The following BRINP3 variants were observed in gnomAD, a reference collection of about 807,000 sequenced individuals.
BRINP3 encodes the protein BMP/retinoic acid-inducible neural-specific protein 3.
In BRINP3, 19 loss-of-function variants were observed where a neutral mutation model predicts 71.0. The observed-to-expected ratio is 0.27, with a 90% confidence interval of 0.19 to 0.39. The LOEUF (loss-of-function observed/expected upper bound fraction) is 0.39. Among genes scored for constraint, BRINP3 ranks in the 10% least tolerant of loss-of-function variants. The probability of loss-of-function intolerance (pLI) is 1.00; values close to 1 mark genes in which losing one functional copy is unlikely to be tolerated. For synonymous variants in BRINP3, 380 were observed against 337.7 expected, an observed-to-expected ratio of 1.13 and a Z score of -1.37; for missense variants, 959 against 940.8, an observed-to-expected ratio of 1.02 and a Z score of -0.25.
At chr1:190,193,298 A>T (rs2102582036) in intron 6 of BRINP3, among the ~76,000 whole-genome samples, 1 of 152,198 alleles carries the variant, frequency 6.6e-6, no homozygotes, top group Non-Finnish European at 1.5e-5. Context: ...TTTAGAAGAG[A>T]TGAGAGGTAA....
At chr1:190,193,765 C>G (rs1654247743) in intron 6 of BRINP3, among the ~76,000 whole-genome samples, 1 of 152,064 alleles carries the variant, frequency 6.6e-6, no homozygotes, top group South Asian at 2.1e-4. Flanking sequence ...CAAATCTACT[C>G]CCAGACTCTG....
intron 6 of BRINP3, among the ~76,000 whole-genome samples, chr1:190,190,248 G>T (rs1414470214): frequency 1.3e-5 from 2 of 152,058 alleles, no homozygotes; most frequent in Non-Finnish European, 2.9e-5. Flanking sequence ...TGGCAGGCCA[G>T]CATTTGGGTT....
At chr1:190,465,999 T>C (rs1676721006) in intron 1 of BRINP3, among the ~76,000 whole-genome samples, 1 of 151,884 alleles carries the variant, frequency 6.6e-6, no homozygotes, top group South Asian at 2.1e-4. Context: ...AATCTAAGAA[T>C]AGAAAGTGTT....
At position 190,110,537 on chromosome 1, in the gene BRINP3, T is replaced by C. The variant is rs558554711; in HGVS notation, c.1185-11403A>G. Among the ~76,000 whole-genome samples the C allele has an allele frequency of 2.1e-3, 323 of 152,316 alleles. 2 individuals are homozygous for C. The highest frequency in any genetic ancestry group is 6.8e-3 in the South Asian group (33 of 4,832). ...ATCTTGATATCATCATGATATTTTATAGTTTCTCTATAGTTTAGCCAAGTA... is the reference window on the plus strand; with the variant it reads ...ATCTTGATATCATCATGATATTTTACAGTTTCTCTATAGTTTAGCCAAGTA... On this transcript the variant is annotated intron_variant, in intron 7 of 7. Transcript: ENST00000367462.
intron 2 of BRINP3, among the ~76,000 whole-genome samples, chr1:190,441,652 T>C (rs1674829023): frequency 6.6e-6 from 1 of 152,156 alleles, no homozygotes; most frequent in Non-Finnish European, 1.5e-5. Context: ...TGTTTGAGTA[T>C]AATTTTCAAG....
At chr1:190,273,645 A>G (rs1270107600) in intron 3 of BRINP3, among the ~76,000 whole-genome samples, 1 of 151,546 alleles carries the variant, frequency 6.6e-6, no homozygotes, top group East Asian at 1.9e-4. Context: ...TTTATAAGAT[A>G]TGGCCCTTAA....
intron 7 of BRINP3, among the ~76,000 whole-genome samples, chr1:190,136,481 T>G (rs1654986991): frequency 6.6e-6 from 1 of 152,140 alleles, no homozygotes; most frequent in Admixed American, 6.6e-5. Flanking sequence ...AGTTTTTCTC[T>G]AATGCTTACA....
chr1:190,159,671 A>G (rs1657174597), intron 7 of BRINP3, among the ~76,000 whole-genome samples: 2 of 152,032 alleles, frequency 1.3e-5, no homozygotes, highest in Admixed American at 6.6e-5. Context: ...TTATAGAGAG[A>G]AACAGCCTTG....
At chr1:190,257,132 G>A (rs181350656) in intron 4 of BRINP3, among the ~76,000 whole-genome samples, 11 of 152,262 alleles carry the variant, frequency 7.2e-5, no homozygotes, top group South Asian at 2.1e-4. Context: ...CCAATCAAAC[G>A]TAGATTTAGT....
intron 2 of BRINP3, among the ~76,000 whole-genome samples, chr1:190,438,044 A>G (rs1187149271): frequency 1.3e-5 from 2 of 151,324 alleles, no homozygotes; most frequent in Non-Finnish European, 3.0e-5. Context: ...CAATAAAATC[A>G]AAACTGTAAA....
intron 6 of BRINP3, among the ~76,000 whole-genome samples, chr1:190,217,707 A>G (rs1423110161): frequency 6.6e-6 from 1 of 152,080 alleles, no homozygotes; most frequent in Non-Finnish European, 1.5e-5. Context: ...TATTAGAAAT[A>G]GTTTCAGGGA....
chr1:190,426,643 C>T (rs1450274934), intron 2 of BRINP3, among the ~76,000 whole-genome samples: 1 of 151,742 alleles, frequency 6.6e-6, no homozygotes, highest in Non-Finnish European at 1.5e-5. Flanking sequence ...ATTTGGTTGT[C>T]TCTGGTGGTA....
chr1:190,206,825 T>A (rs1223267300), intron 6 of BRINP3, among the ~76,000 whole-genome samples: 7 of 151,832 alleles, frequency 4.6e-5, no homozygotes, highest in Non-Finnish European at 8.8e-5. Context: ...TCTAAGAAAA[T>A]GAGAATATTA....
At chr1:190,193,858 C>T (rs1428201008) in intron 6 of BRINP3, among the ~76,000 whole-genome samples, 1 of 152,044 alleles carries the variant, frequency 6.6e-6, no homozygotes, top group African/African-American at 2.4e-5. Context: ...TATAGGGCTC[C>T]TATCTCCCAG....
Position 190,222,226 on chromosome 1 carries a change from C to A in BRINP3, c.961+3856G>T, listed in dbSNP as rs1656953465. Reference sequence around the variant, plus strand: ...AATCTTATCAAGTAACTTTTCTGACCACAATGGAATAAAAACCACAAATTG... The same window carrying A: ...AATCTTATCAAGTAACTTTTCTGACAACAATGGAATAAAAACCACAAATTG... On this transcript the variant is annotated intron_variant, in intron 6 of 7. Transcript: ENST00000367462. Among the ~76,000 whole-genome samples, 3 of 151,568 alleles carry A rather than the reference C, an allele frequency of 2.0e-5. No individual in the cohort carries two copies. In the South Asian group the frequency reaches 6.2e-4, roughly 31 times the overall value.
chr1:190,125,531 T>C (rs557234800), intron 7 of BRINP3, among the ~76,000 whole-genome samples: 21 of 152,144 alleles, frequency 1.4e-4, no homozygotes, highest in African/African-American at 5.1e-4. Flanking sequence ...GAGATTGAGA[T>C]AGCTATTCAG....
chr1:190,451,791 T>A (rs1262498895), intron 2 of BRINP3, among the ~76,000 whole-genome samples: 1 of 152,240 alleles, frequency 6.6e-6, no homozygotes, highest in Non-Finnish European at 1.5e-5. Context: ...GCCCTAGCTA[T>A]GATTTTAGCA....
At chr1:190,338,736 A>T (rs1667454459) in intron 2 of BRINP3, among the ~76,000 whole-genome samples, 1 of 151,800 alleles carries the variant, frequency 6.6e-6, no homozygotes, top group African/African-American at 2.4e-5. Flanking sequence ...ACTATCCAAG[A>T]CCTCTGTAGA....
chr1:190,266,557 A>G (rs1005576644), intron 3 of BRINP3, among the ~76,000 whole-genome samples: 2 of 152,170 alleles, frequency 1.3e-5, no homozygotes, highest in African/African-American at 4.8e-5. Context: ...ACAGCTTTGG[A>G]GTAGAGGCAG....
Sources: allele counts gnomAD v4.1 joint callset (sites outside exome capture counted in the v4.1 genomes callset), GRCh38; gene constraint gnomAD v4.1.1; transcripts MANE v1.5; gene names NCBI Gene and HGNC (gene_info 2026-07-23, HGNC 2026-07-21).